CCDC126: variants seen among roughly 807,000 people sequenced by gnomAD.
The protein encoded by CCDC126 is coiled-coil domain containing 126.
Under a neutral mutation model 11.7 loss-of-function variants are expected in CCDC126, and 5 were observed. The ratio of observed to expected loss-of-function variants is 0.43; its 90% CI spans 0.22 to 0.90. CCDC126 has a LOEUF of 0.90. Among genes scored for constraint, CCDC126 ranks in the 40% least tolerant of loss-of-function variants. The pLI is 0.27. For synonymous variants in CCDC126, 60 were observed against 61.9 expected (o/e 0.97, Z 0.14); for missense variants, 150 against 163.1 (o/e 0.92, Z 0.44).
intron 2 of CCDC126, among the ~76,000 whole-genome samples, chr7:23,606,231 TG>T (rs1173550989): frequency 1.3e-5 from 2 of 152,068 alleles, no homozygotes; most frequent in Non-Finnish European, 2.9e-5. Context: ...GCTAATTTTT[TG>T]TATTTTTAGT....
chr7:23,641,328 T>C (rs2128023361), intron 3 of CCDC126, among the ~76,000 whole-genome samples: 1 of 152,318 alleles, frequency 6.6e-6, no homozygotes, highest in East Asian at 1.9e-4. Flanking sequence ...TCTATTCAAG[T>C]CCTTTGCCCA....
chr7:23,600,763 A>G (rs532377586), intron 2 of CCDC126, among the ~76,000 whole-genome samples: 1 of 152,358 alleles, frequency 6.6e-6, no homozygotes, highest in African/African-American at 2.4e-5. Flanking sequence ...ATTTTAAGGT[A>G]TGATTAGCCA....
intron 3 of CCDC126, among the ~76,000 whole-genome samples, chr7:23,641,263 A>G (rs1783351270): frequency 6.6e-6 from 1 of 152,152 alleles, no homozygotes; most frequent in Admixed American, 6.5e-5. Flanking sequence ...GGCCAGTGAT[A>G]TTGAACATCT....
At chr7:23,630,625 GGGA>G (rs1251166214) in intron 3 of CCDC126, among the ~76,000 whole-genome samples, 1 of 150,430 alleles carries the variant, frequency 6.6e-6, no homozygotes, top group Non-Finnish European at 1.5e-5. Flanking sequence ...AGTCTGAGGT[GGGA>G]GGATCCCTTG....
intron 2 of CCDC126, among the ~76,000 whole-genome samples, chr7:23,607,513 A>G (rs759914703): frequency 3.3e-5 from 5 of 152,122 alleles, no homozygotes; most frequent in Non-Finnish European, 4.4e-5. Context: ...GCTAATAATC[A>G]TTTTCCTTTC....
rs1783389279 is a variant in CCDC126 at position 23,642,955 on chromosome 7, T to C, written c.263T>C (p.Val88Ala). The C allele has an allele frequency of 6.2e-7, 1 of 1,614,090 alleles. No individual in the cohort carries two copies. Among genetic ancestry groups the C allele is most frequent in the Non-Finnish European group, 8.5e-7 (1 of 1,179,978 alleles). The change falls in exon 4 of 4, where the codon GTC becomes GCC. Residue 88 changes from valine to alanine, a missense_variant. By Grantham distance (64) the Val-to-Ala change is moderately conservative (BLOSUM62 0). Coordinates refer to ENST00000307471, the MANE Select transcript of CCDC126 (RefSeq NM_138771.4). Reference protein sequence around the residue: ...GYADLKRTIAVLLDDILQRLV... With the variant: ...GYADLKRTIAALLDDILQRLV... The stretch of plus-strand genomic sequence containing the variant: ...GCGGATCTGAAAAGAACAATTGCTG[T>C]CCTTCTGGATGACATTTTGCAACGA...
chr7:23,605,436 TGTGTGTGGTA>T (rs1214365266), intron 2 of CCDC126, among the ~76,000 whole-genome samples: 14 of 76,828 alleles, frequency 1.8e-4, no homozygotes, highest in Non-Finnish European at 3.8e-4. Flanking sequence ...TGTGTGTGTG[TGTGTGTGGTA>T]AAAAAATACA....
At chr7:23,621,749 C>T (rs944681335) in intron 3 of CCDC126, among the ~76,000 whole-genome samples, 2 of 152,078 alleles carry the variant, frequency 1.3e-5, no homozygotes, top group East Asian at 1.9e-4. Flanking sequence ...TTTGAGATAA[C>T]GTTCCATCAG....
chr7:23,614,082 A>G (rs959138526), intron 3 of CCDC126, among the ~76,000 whole-genome samples: 7 of 152,196 alleles, frequency 4.6e-5, no homozygotes, highest in Admixed American at 1.3e-4. Context: ...AAATGAGACA[A>G]TAATGAAGTT....
At chr7:23,638,395 C>G (rs1457273564) in intron 3 of CCDC126, among the ~76,000 whole-genome samples, 1 of 89,098 alleles carries the variant, frequency 1.1e-5, no homozygotes, top group Non-Finnish European at 2.2e-5. Flanking sequence ...GCCTTGGGAT[C>G]CTGTTGATCT....
chr7:23,605,399 T>TTG lies in CCDC126; in HGVS notation c.-145-5729_-145-5728dup, dbSNP rs3219575. On this transcript the variant is annotated intron_variant, in intron 2 of 3. Transcript: ENST00000307471. ...TTTTAAGCAGGAGAATGTGATATGCTTGTGTGTGTGTGTGTGTGTGTGTGT... is the reference window on the plus strand; with the variant it reads ...TTTTAAGCAGGAGAATGTGATATGCTTGTGTGTGTGTGTGTGTGTGTGTGTGT... 7.6e-3 allele frequency among the ~76,000 whole-genome samples: 1,130 copies of TTG among 148,912 alleles called. 8 individuals carry two copies. The highest frequency in any genetic ancestry group is 0.02 in the Admixed American group (291 of 14,872).
chr7:23,632,576 A>G (rs1414931316), intron 3 of CCDC126, among the ~76,000 whole-genome samples: 2 of 152,214 alleles, frequency 1.3e-5, no homozygotes, highest in African/African-American at 4.8e-5. Context: ...CAATGTCAGC[A>G]TTCTTGTTGT....
At chr7:23,612,174 G>C (rs1782723064) in intron 3 of CCDC126, among the ~76,000 whole-genome samples, 1 of 150,904 alleles carries the variant, frequency 6.6e-6, no homozygotes, top group African/African-American at 2.4e-5. Flanking sequence ...AATGTATCTT[G>C]GGCTGGTGTT....
At position 23,639,351 on chromosome 7, in the gene CCDC126, C is replaced by G. The variant is rs181192024; in HGVS notation, c.239-3580C>G. ...GGACTACAGACATGTGCCATCACGC[C>G]TGGGCTAATTTTTTTGTATTTTTAG... is the stretch of plus-strand genomic sequence containing the variant. On this transcript the variant is annotated intron_variant, in intron 3 of 3. Coordinates refer to ENST00000307471, the MANE Select transcript of CCDC126 (RefSeq NM_138771.4). Among the ~76,000 whole-genome samples the G allele has an allele frequency of 2.2e-3, 342 of 152,240 alleles. 2 individuals are homozygous for G. Among genetic ancestry groups the G allele is most frequent in the African/African-American group, 7.8e-3 (326 of 41,570 alleles).
intron 3 of CCDC126, among the ~76,000 whole-genome samples, chr7:23,627,593 A>G (rs1215447891): frequency 1.3e-5 from 2 of 151,734 alleles, no homozygotes; most frequent in East Asian, 3.9e-4. Flanking sequence ...GAAAGACTGT[A>G]TAAATATTTT....
chr7:23,621,319 G>C (rs992155869), intron 3 of CCDC126, among the ~76,000 whole-genome samples: 4 of 151,940 alleles, frequency 2.6e-5, no homozygotes, highest in Admixed American at 2.6e-4. Flanking sequence ...GGATTCCTAA[G>C]TATTTTATTC....
chr7:23,634,200 C>G (rs990319383), intron 3 of CCDC126, among the ~76,000 whole-genome samples: 7 of 152,144 alleles, frequency 4.6e-5, no homozygotes, highest in African/African-American at 1.7e-4. Context: ...AATCCCAGCC[C>G]TTTGGGAGGC....
At chr7:23,599,915 A>G (rs1239802732) in intron 2 of CCDC126, among the ~76,000 whole-genome samples, 1 of 150,916 alleles carries the variant, frequency 6.6e-6, no homozygotes, top group East Asian at 2.0e-4. Context: ...CATCCAAGTA[A>G]CTGGGTTTAC....
chr7:23,613,604 C>A (rs1008664500), intron 3 of CCDC126, among the ~76,000 whole-genome samples: 8 of 152,088 alleles, frequency 5.3e-5, no homozygotes, highest in Non-Finnish European at 1.2e-4. Flanking sequence ...TTCCATCCAC[C>A]CCCCAGGCTG....
Sources: allele counts gnomAD v4.1 joint callset (sites outside exome capture counted in the v4.1 genomes callset), GRCh38; gene constraint gnomAD v4.1.1; transcripts MANE v1.5; gene names NCBI Gene and HGNC (gene_info 2026-07-23, HGNC 2026-07-21).